Variants in ZGRF1 observed in about 807,000 individuals in gnomAD.
ZGRF1 encodes the protein zinc finger GRF-type containing 1.
Under a neutral mutation model 203.5 loss-of-function variants are expected in ZGRF1, and 196 were observed. That is an observed-to-expected ratio of 0.96 (90% confidence interval 0.86 to 1.08). The LOEUF is 1.08. ZGRF1 is among the 50% of genes least tolerant of loss of function. The pLI is 0.00. For synonymous variants in ZGRF1, 809 were observed against 841.3 expected (o/e 0.96, Z 0.66); for missense variants, 2,326 against 2,416.3 (o/e 0.96, Z 0.78).
chr4:112,616,457 G>A (rs1169728735), intron 6 of ZGRF1, among the ~76,000 whole-genome samples: 3 of 151,262 alleles, frequency 2.0e-5, no homozygotes, highest in East Asian at 1.9e-4. Flanking sequence ...CCCATGAGGC[G>A]GAGCTTGCAG....
chr4:112,553,892 A>G lies in ZGRF1; in HGVS notation c.5289T>C (p.Tyr1763=), dbSNP rs141688719. 1,885 of 1,613,720 alleles carry G rather than the reference A, an allele frequency of 1.2e-3. 17 individuals carry two copies. The South Asian group carries it at 0.012, about 10-fold the overall frequency. Reference sequence around the variant, plus strand: ...TATGCTGCTCAATGCTTTTTCTCACATAGACTCTTTCCGTAGGAGTCAGGT... The same window carrying G: ...TATGCTGCTCAATGCTTTTTCTCACGTAGACTCTTTCCGTAGGAGTCAGGT... The part of the protein sequence containing the change: ...KEDLTPTERV[Y]VRKSIEQHKL... The change falls in exon 22 of 28, where the codon TAT becomes TAC. Residue 1763 remains tyrosine (Y), a synonymous_variant. Transcript: ENST00000505019.
intron 22 of ZGRF1, among the ~76,000 whole-genome samples, chr4:112,548,757 T>C (rs4833414): frequency 0.61 from 91,420 of 151,014 alleles, 28,429 homozygotes; most frequent in East Asian, 0.95. Context: ...TCACAAAGAA[T>C]ATTAAATATG....
chr4:112,565,716 C>T (rs1249295979), intron 16 of ZGRF1, among the ~76,000 whole-genome samples: 2 of 152,140 alleles, frequency 1.3e-5, no homozygotes, highest in South Asian at 2.1e-4. Flanking sequence ...CAAAAGAAGA[C>T]ATTTATGCAG....
rs569092145 is a variant in ZGRF1, at chr4:112,627,922, T to C, written c.102+4008A>G. ...CATTTCAGCTATATTTAAATGCTTA[T>C]AGTTCCCCACATTTCGTATCATTTC... On this transcript the variant is annotated intron_variant, in intron 3 of 27. Coordinates refer to ENST00000505019, the MANE Select transcript of ZGRF1 (RefSeq NM_018392.5). Among the ~76,000 whole-genome samples the C allele has an allele frequency of 3.3e-5, 5 of 152,358 alleles. No individual in the cohort carries two copies. In the South Asian group the frequency reaches 8.3e-4, roughly 25 times the overall value.
chr4:112,573,197 CACA>C (rs1744517012), intron 16 of ZGRF1, among the ~76,000 whole-genome samples: 2 of 150,342 alleles, frequency 1.3e-5, no homozygotes, highest in African/African-American at 5.0e-5. Flanking sequence ...CACACACACA[CACA>C]CCCATGGAAT....
Position 112,540,909 on chromosome 4 carries a change from G to A in ZGRF1, c.5822C>T (p.Thr1941Ile). 1.9e-6 allele frequency: 3 copies of A among 1,581,480 alleles called. No homozygotes were observed. The highest frequency in any genetic ancestry group is 2.7e-5 in the African/African-American group (2 of 74,476). Residue 1941 changes from threonine to isoleucine, a missense_variant, in exon 26 of 28, where the codon ACA (threonine) becomes ATA (isoleucine). Physicochemically the swap from Thr to Ile is moderately conservative, Grantham distance 89. Coordinates refer to ENST00000505019, the MANE Select transcript of ZGRF1 (RefSeq NM_018392.5). ...SFHNVAEATF[T>I]LKLIQSLIAS... ...AATCAGTGATTGAATCAGCTTGAGTGTAAACGTAGCTTCTGCCACATTATG... is the reference window on the plus strand; with the variant it reads ...AATCAGTGATTGAATCAGCTTGAGTATAAACGTAGCTTCTGCCACATTATG...
intron 1 of ZGRF1, among the ~76,000 whole-genome samples, chr4:112,634,700 G>T (rs2047524787): frequency 6.6e-6 from 1 of 151,984 alleles, no homozygotes; most frequent in Admixed American, 6.6e-5. Flanking sequence ...GCAAGAAAGT[G>T]ACTGGCATCT....
rs925111992 is a variant in ZGRF1 at position 112,539,426 on chromosome 4, A to G, written c.*121T>C. 3 of 562,732 alleles carry G rather than the reference A, an allele frequency of 5.3e-6. No homozygotes were observed. The African/African-American group carries it at 5.8e-5, about 11-fold the overall frequency. 34.9% of individuals were successfully genotyped at this position (562,732 alleles called of 1,614,324 possible). A position where few individuals can be genotyped will look rare whatever the true frequency, so the allele number is the denominator to read the frequency against. ...AAGAACAAAATTTTTACATGTGTTTACTATGTTATTTAAATATCATATTTT... is the reference window on the plus strand; with the variant it reads ...AAGAACAAAATTTTTACATGTGTTTGCTATGTTATTTAAATATCATATTTT... On this transcript the variant is annotated 3_prime_UTR_variant, in exon 28 of 28. Transcript: ENST00000505019.
intron 16 of ZGRF1, among the ~76,000 whole-genome samples, chr4:112,581,317 T>C (rs1746207075): frequency 6.8e-6 from 1 of 147,616 alleles, no homozygotes; most frequent in African/African-American, 2.5e-5. Context: ...TTAGGAGATA[T>C]ACCTAATGTT....
At chr4:112,550,745 C>G (rs534792349) in intron 22 of ZGRF1, among the ~76,000 whole-genome samples, 4 of 152,142 alleles carry the variant, frequency 2.6e-5, no homozygotes, top group African/African-American at 9.6e-5. Context: ...CTCAGCTACT[C>G]GGGAGGATGA....
In ZGRF1 at chr4:112,612,614, T is replaced by C. The variant is rs375022509; in HGVS notation, c.2603-26A>G. The C allele has an allele frequency of 3.7e-5, 53 of 1,417,836 alleles. No individual in the cohort carries two copies. The South Asian group carries it at 4.5e-4, about 12-fold the overall frequency. 87.8% of individuals were successfully genotyped at this position (1,417,836 alleles called of 1,614,324 possible). A position where few individuals can be genotyped will look rare whatever the true frequency, so the allele number is the denominator to read the frequency against. ...CTGTAATGGAGAAAAGAAATAATCA[T>C]ATCATTGTTATATATAGCAGTACTC... On this transcript the variant is annotated intron_variant, in intron 6 of 27. Transcript: ENST00000505019.
chr4:112,554,255 A>G (rs996966086), intron 21 of ZGRF1, among the ~76,000 whole-genome samples: 3 of 124,920 alleles, frequency 2.4e-5, no homozygotes, highest in Non-Finnish European at 3.1e-5. Flanking sequence ...TCCTGTGTCC[A>G]TGTGTTCTCA....
intron 10 of ZGRF1, among the ~76,000 whole-genome samples, chr4:112,590,612 G>A (rs921985703): frequency 3.3e-5 from 5 of 152,018 alleles, no homozygotes; most frequent in African/African-American, 1.2e-4. Context: ...GATTATGTTA[G>A]TGACTGTATA....
Position 112,563,221 on chromosome 4 carries a change from C to G in ZGRF1, c.4492G>C (p.Ala1498Pro). The change falls in exon 17 of 28, where the codon GCA becomes CCA. Residue 1498 changes from alanine to proline, a missense_variant. Ala to Pro is a conservative substitution (Grantham distance 27, BLOSUM62 -1). Coordinates refer to ENST00000505019, the MANE Select transcript of ZGRF1 (RefSeq NM_018392.5). ...GATGGTCCAAAGAAAGCACTACATG[C>G]GATAAAAGTATCCAGCTCAAAGTCT... is the stretch of plus-strand genomic sequence containing the variant. ...TLDFELDTFI[A>P]CSAFFGPSSI... 1 of 1,550,986 alleles carries G rather than the reference C, an allele frequency of 6.4e-7. No individual in the cohort carries two copies. The highest frequency in any genetic ancestry group is 8.7e-7 in the Non-Finnish European group (1 of 1,146,628).
At chr4:112,611,063 G>A (rs1445272877) in intron 7 of ZGRF1, 1 of 188,198 alleles carries the variant, frequency 5.3e-6, no homozygotes, top group Non-Finnish European at 1.1e-5. Context: ...TATTAAAAGG[G>A]GAAAAAAAGG....
chr4:112,587,844 C>T lies in ZGRF1; in HGVS notation c.3213G>A (p.Leu1071=), dbSNP rs1174081593. The part of the protein sequence containing the change: ...LSRTQVPLIT[L]PRTDGPPDLD... Reference sequence around the variant, plus strand: ...AGTCAGGTGGCCCATCAGTACGTGGCAAAGTAATAAGTGGAACCTGGGTTC... The same window carrying T: ...AGTCAGGTGGCCCATCAGTACGTGGTAAAGTAATAAGTGGAACCTGGGTTC... Residue 1071 remains leucine (L), a synonymous_variant, in exon 12 of 28, where the codon TTG becomes TTA. Coordinates refer to ENST00000505019, the MANE Select transcript of ZGRF1 (RefSeq NM_018392.5). The T allele has an allele frequency of 1.9e-6, 3 of 1,551,260 alleles. No individual in the cohort carries two copies. Among genetic ancestry groups the T allele is most frequent in the Non-Finnish European group, 2.6e-6 (3 of 1,146,822 alleles).
chr4:112,634,255 C>T (rs754521156), intron 1 of ZGRF1, among the ~76,000 whole-genome samples: 1 of 152,128 alleles, frequency 6.6e-6, no homozygotes, highest in African/African-American at 2.4e-5. Context: ...CAGGAATAAG[C>T]ACAGCAGGGG....
intron 10 of ZGRF1, among the ~76,000 whole-genome samples, chr4:112,600,468 C>T (rs1324005659): frequency 1.2e-4 from 19 of 152,204 alleles, no homozygotes; most frequent in East Asian, 9.7e-4. Context: ...CCGAAGCAAG[C>T]GGATCACGAG....
rs2047427799 is a variant in ZGRF1 at position 112,632,025 on chromosome 4, T to C, written c.22-15A>G. The C allele has an allele frequency of 7.5e-7, 1 of 1,332,798 alleles. No individual in the cohort carries two copies. The highest frequency in any genetic ancestry group is 1.5e-5 in the South Asian group (1 of 65,786). 82.6% of individuals were successfully genotyped at this position (1,332,798 alleles called of 1,614,324 possible). On this transcript the variant is annotated splice_polypyrimidine_tract_variant and intron_variant, in intron 2 of 27. Transcript: ENST00000505019. ...GTATATAGAACCTTATTTCCAAAAA[T>C]ACAAAAGAAATGGTTTCCATTTATA... is the stretch of plus-strand genomic sequence containing the variant.
Sources: gnomAD v4.1 joint callset for allele counts (sites outside exome capture counted in the v4.1 genomes callset) on GRCh38, gnomAD v4.1.1 for gene constraint, MANE v1.5 for transcripts, NCBI Gene and HGNC (gene_info 2026-07-23, HGNC 2026-07-21) for gene names.